DPY19L1: variants seen among roughly 807,000 people sequenced by gnomAD.
The protein encoded by DPY19L1 is protein C-mannosyl-transferase DPY19L1.
DPY19L1 carries 35 observed loss-of-function variants against 96.9 expected under a neutral mutation model. That is an observed-to-expected ratio of 0.36 (90% CI 0.28 to 0.48). The LOEUF (loss-of-function observed/expected upper bound fraction) is 0.48, where lower values mean the gene tolerates loss of function less well. Ranked by LOEUF, DPY19L1 falls within the 20% of genes least tolerant of loss-of-function variation. The probability of loss-of-function intolerance (pLI) is 0.99; values close to 1 mark genes in which losing one functional copy is unlikely to be tolerated. For synonymous variants in DPY19L1, 205 were observed against 252.6 expected (o/e 0.81, Z 1.79); for missense variants, 521 against 777.9 (o/e 0.67, Z 3.93).
intron 6 of DPY19L1, among the ~76,000 whole-genome samples, chr7:35,005,182 G>C (rs1378214449): frequency 6.6e-6 from 1 of 151,978 alleles, no homozygotes; most frequent in East Asian, 1.9e-4. Flanking sequence ...GTTTTAAGGA[G>C]AGTAGTAGGA....
At chr7:34,964,140 A>G (rs1276387968) in intron 10 of DPY19L1, among the ~76,000 whole-genome samples, 1 of 152,100 alleles carries the variant, frequency 6.6e-6, no homozygotes, top group Non-Finnish European at 1.5e-5. Flanking sequence ...TTTTTTGGAA[A>G]TAATTCTATA....
chr7:35,014,870 A>G (rs1785804411), intron 3 of DPY19L1, among the ~76,000 whole-genome samples: 1 of 152,190 alleles, frequency 6.6e-6, no homozygotes, highest in Non-Finnish European at 1.5e-5. Flanking sequence ...CCTCAAAGCT[A>G]CAGGCACACA....
At chr7:35,000,947 G>T (rs1270908808) in intron 6 of DPY19L1, among the ~76,000 whole-genome samples, 2 of 152,204 alleles carry the variant, frequency 1.3e-5, no homozygotes, top group African/African-American at 4.8e-5. Context: ...CACTTAAAAT[G>T]TATTCTCAGA....
intron 7 of DPY19L1, among the ~76,000 whole-genome samples, chr7:34,979,137 A>T (rs1011662023): frequency 1.3e-5 from 2 of 152,094 alleles, no homozygotes; most frequent in Non-Finnish European, 2.9e-5. Flanking sequence ...TTTACAAAAA[A>T]CCTTTGTGAA....
chr7:34,937,068 A>T (rs1219748981), intron 21 of DPY19L1, among the ~76,000 whole-genome samples: 2 of 152,236 alleles, frequency 1.3e-5, no homozygotes, highest in African/African-American at 2.4e-5. Flanking sequence ...GGTACTTTAA[A>T]AGCAGGCTAC....
At chr7:34,982,277 A>C (rs1784954785) in intron 7 of DPY19L1, among the ~76,000 whole-genome samples, 1 of 152,224 alleles carries the variant, frequency 6.6e-6, no homozygotes, top group Non-Finnish European at 1.5e-5. Context: ...GTATGATAAC[A>C]GTATTGTGAT....
At chr7:34,940,527 A>G (rs1783983390) in intron 18 of DPY19L1, among the ~76,000 whole-genome samples, 200 bp from the exon 19 acceptor site, 1 of 152,152 alleles carries the variant, frequency 6.6e-6, no homozygotes, top group South Asian at 2.1e-4. Flanking sequence ...GTGGAACACA[A>G]TGTAGGAAGC....
rs191390009 is a variant in DPY19L1, at chr7:35,011,247, A to G, written c.670+83T>C. 1.7e-5 allele frequency: 26 copies of G among 1,497,044 alleles called. 1 individual carries two copies. The Admixed American group carries it at 4.7e-4, about 27-fold the overall frequency. The allele number at this position is 1,497,044 out of a possible 1,614,324, so 92.7% of individuals were successfully genotyped here. ...AAAATGGGTGTTGTTTATACCACTA[A>G]GTTTACAGTGTAAGTTTATTATGCT... On this transcript the variant is annotated intron_variant, in intron 5 of 21. Transcript: ENST00000638088.
intron 21 of DPY19L1, among the ~76,000 whole-genome samples, chr7:34,935,745 AG>A (rs1783855616): frequency 2.0e-5 from 3 of 152,236 alleles, no homozygotes; most frequent in Admixed American, 1.3e-4. Flanking sequence ...CAAGGAAATA[AG>A]GAAGGTCCCA....
intron 8 of DPY19L1, among the ~76,000 whole-genome samples, chr7:34,972,098 GCCAAGAAATGCAGGCAGTCTC>G (rs1784736061): frequency 6.6e-6 from 1 of 152,198 alleles, no homozygotes; most frequent in African/African-American, 2.4e-5. Flanking sequence ...GGAGCCACAA[GCCAAGAAATGCAGGCAGTCTC>G]CCAAGAAAGG....
At chr7:35,027,635 T>C (rs1399569244) in intron 1 of DPY19L1, among the ~76,000 whole-genome samples, 1 of 117,766 alleles carries the variant, frequency 8.5e-6, no homozygotes, top group Non-Finnish European at 1.7e-5. Flanking sequence ...TTCGAAACCA[T>C]CCCCGGCCAA....
At chr7:34,991,060 G>A (rs1161793976) in intron 6 of DPY19L1, among the ~76,000 whole-genome samples, 1 of 152,232 alleles carries the variant, frequency 6.6e-6, no homozygotes, top group Non-Finnish European at 1.5e-5. Context: ...GTTTGCCTTG[G>A]CAAAAGAGGA....
intron 16 of DPY19L1, among the ~76,000 whole-genome samples, chr7:34,944,655 A>G (rs1784103409): frequency 6.6e-6 from 1 of 152,230 alleles, no homozygotes; most frequent in Admixed American, 6.5e-5. Flanking sequence ...CTATTTCCAG[A>G]AAGATAGCCT....
intron 6 of DPY19L1, among the ~76,000 whole-genome samples, chr7:34,995,299 A>G (rs1318139969): frequency 6.7e-6 from 1 of 150,218 alleles, no homozygotes; most frequent in Non-Finnish European, 1.5e-5. Context: ...TGATCAGTTG[A>G]TATTTTAGCA....
At chr7:35,025,779 C>G (rs983680816) in intron 1 of DPY19L1, among the ~76,000 whole-genome samples, 9 of 152,142 alleles carry the variant, frequency 5.9e-5, no homozygotes, top group African/African-American at 2.2e-4. Flanking sequence ...CTGGAAGTGC[C>G]AAGAATAAGA....
At chr7:34,942,480 T>C in intron 17 of DPY19L1, 135 bp downstream of exon 17, 1 of 726,012 alleles carries the variant, frequency 1.4e-6, no homozygotes, top group African/African-American at 1.8e-5. Context: ...AGCATTCTCA[T>C]AAAAACACAT....
chr7:34,930,643 C>A lies in DPY19L1; in HGVS notation c.*930G>T, dbSNP rs1783733569. 6.6e-6 allele frequency: 1 copy of A among 152,082 alleles called. No homozygotes were observed. The highest frequency in any genetic ancestry group is 2.4e-5 in the African/African-American group (1 of 41,414). 9.4% of individuals were successfully genotyped at this position (152,082 alleles called of 1,614,324 possible). ...TATAAATGATGTCTAATCAAATATA[C>A]ATTAGTTTCTAGATGCACTATATTT... On this transcript the variant is annotated 3_prime_UTR_variant, in exon 22 of 22. Transcript: ENST00000638088.
intron 4 of DPY19L1, 91 bp downstream of exon 4, chr7:35,013,477 A>T: frequency 1.1e-6 from 1 of 948,130 alleles, no homozygotes; most frequent in Non-Finnish European, 1.6e-6. Context: ...ACAATTTAAT[A>T]TATTGAATTA....
intron 21 of DPY19L1, among the ~76,000 whole-genome samples, chr7:34,936,935 T>A (rs1783880819): frequency 6.6e-6 from 1 of 152,196 alleles, no homozygotes; most frequent in Non-Finnish European, 1.5e-5. Context: ...TATAGCAATC[T>A]CTTGAACGCT....
Sources: gnomAD v4.1 joint callset for allele counts (sites outside exome capture counted in the v4.1 genomes callset) on GRCh38, gnomAD v4.1.1 for gene constraint, MANE v1.5 for transcripts, NCBI Gene and HGNC (gene_info 2026-07-23, HGNC 2026-07-21) for gene names.